The following FHAD1 variants were observed in gnomAD, a reference collection of about 807,000 sequenced individuals.
FHAD1 encodes the protein forkhead associated phosphopeptide binding domain 1.
Under a neutral mutation model 191.3 loss-of-function variants are expected in FHAD1, and 146 were observed. That is an observed-to-expected ratio of 0.76 (90% CI 0.67 to 0.88). FHAD1 has a LOEUF of 0.88. Among genes scored for constraint, FHAD1 ranks in the 40% least tolerant of loss-of-function variants. The pLI is 0.00. For synonymous variants in FHAD1, 616 were observed against 672.3 expected (o/e 0.92, Z 1.29); for missense variants, 1,635 against 1,785.8 (o/e 0.92, Z 1.52).
chr1:15,369,842 G>T (rs1697584996), intron 26 of FHAD1, among the ~76,000 whole-genome samples: 1 of 152,190 alleles, frequency 6.6e-6, no homozygotes, highest in East Asian at 1.9e-4. Context: ...TGACCTTGGG[G>T]AGGTCACTGT....
At chr1:15,387,572 G>A (rs866483973) in intron 31 of FHAD1, among the ~76,000 whole-genome samples, 3 of 151,930 alleles carry the variant, frequency 2.0e-5, no homozygotes, top group African/African-American at 7.3e-5. Context: ...AACATAGCAC[G>A]ACCCCCATCT....
At chr1:15,370,021 C>A (rs550843260) in intron 26 of FHAD1, among the ~76,000 whole-genome samples, 1 of 152,342 alleles carries the variant, frequency 6.6e-6, no homozygotes, top group South Asian at 2.1e-4. Context: ...GTCACCCAGG[C>A]AGGAATGTAG....
At chr1:15,296,261 T>C (rs947427536) in intron 4 of FHAD1, among the ~76,000 whole-genome samples, 2 of 150,838 alleles carry the variant, frequency 1.3e-5, no homozygotes, top group African/African-American at 4.9e-5. Context: ...ATTTTTTTTT[T>C]TTTTTTTTTT....
intron 21 of FHAD1, among the ~76,000 whole-genome samples, 162 bp downstream of exon 21, chr1:15,358,445 A>G (rs1273111194): frequency 1.3e-5 from 2 of 152,312 alleles, no homozygotes; most frequent in Admixed American, 6.5e-5. Context: ...GCATCTTAGG[A>G]TATTTAGCAC....
chr1:15,395,697 T>C (rs763761646), intron 33 of FHAD1, among the ~76,000 whole-genome samples: 1 of 152,180 alleles, frequency 6.6e-6, no homozygotes, highest in Non-Finnish European at 1.5e-5. Context: ...TATACTTCAC[T>C]TTCTCCTTCT....
intron 33 of FHAD1, among the ~76,000 whole-genome samples, chr1:15,396,071 A>T (rs1477001460): frequency 6.6e-6 from 1 of 152,238 alleles, no homozygotes; most frequent in Non-Finnish European, 1.5e-5. Flanking sequence ...GCACTTTGGG[A>T]GGCCAAGGAG....
chr1:15,238,334 C>A (rs1645009814), intron 1 of FHAD1, among the ~76,000 whole-genome samples: 2 of 150,732 alleles, frequency 1.3e-5, no homozygotes, highest in Non-Finnish European at 2.9e-5. Context: ...CTCCAGAAAC[C>A]CAGAGAGGTG....
At chr1:15,389,744 C>T (rs1013404167) in intron 32 of FHAD1, among the ~76,000 whole-genome samples, 4 of 152,006 alleles carry the variant, frequency 2.6e-5, no homozygotes, top group African/African-American at 9.7e-5. Context: ...CTGGGGAATG[C>T]CAAATGGGGT....
intron 1 of FHAD1, among the ~76,000 whole-genome samples, chr1:15,238,290 A>G (rs993183353): frequency 5.0e-4 from 76 of 150,702 alleles, no homozygotes; most frequent in African/African-American, 1.8e-3. Context: ...TGAAATGAGA[A>G]GAGAATGCAG....
intron 31 of FHAD1, chr1:15,383,065 C>T (rs1701283117): frequency 2.1e-6 from 1 of 471,396 alleles, no homozygotes; most frequent in African/African-American, 2.0e-5. Context: ...GTACAGGAGT[C>T]AGCCGGTCCT....
chr1:15,272,346 T>G lies in FHAD1; in HGVS notation c.117T>G (p.His39Gln), dbSNP rs1205898300. The change falls in exon 3 of 34, where the codon CAT (histidine) becomes CAG (glutamine). Residue 39 changes from histidine (H) to glutamine (Q), a missense_variant. Physicochemically the swap from His to Gln is conservative, Grantham distance 24. Coordinates refer to ENST00000688493, the MANE Select transcript of FHAD1 (RefSeq NM_001391957.1). The part of the protein sequence containing the change: ...VLQSPDIDNH[H>Q]ALIEYNEAEC... ...AGTCTCCTGACATCGACAACCACCA[T>G]GCACTCATTGAATATAACGAGGCGG... 6 of 1,551,718 alleles carry G rather than the reference T, an allele frequency of 3.9e-6. No homozygotes were observed. Among genetic ancestry groups the G allele is most frequent in the Non-Finnish European group, 5.2e-6 (6 of 1,146,974 alleles).
At chr1:15,339,618 G>T (rs1685702731) in intron 15 of FHAD1, 67 bp downstream of exon 15, 1 of 700,450 alleles carries the variant, frequency 1.4e-6, no homozygotes, top group Admixed American at 3.3e-5. Flanking sequence ...ATATAGCACT[G>T]TGCATTTGAA....
chr1:15,242,023 A>G (rs1330827762), intron 1 of FHAD1, among the ~76,000 whole-genome samples: 1 of 152,190 alleles, frequency 6.6e-6, no homozygotes, highest in African/African-American at 2.4e-5. Flanking sequence ...TCACGAGGTC[A>G]GGAGATCGAG....
At chr1:15,397,020 T>TAAAAAAAAAAAAAA (rs5772637) in intron 33 of FHAD1, among the ~76,000 whole-genome samples, 2 of 115,954 alleles carry the variant, frequency 1.7e-5, no homozygotes, top group Admixed American at 9.2e-5. Flanking sequence ...CCGTCTCTAC[T>TAAAAAAAAAAAAAA]AAAAAAAAAA....
At chr1:15,260,348 G>T (rs528686550) in intron 2 of FHAD1, among the ~76,000 whole-genome samples, 7 of 152,288 alleles carry the variant, frequency 4.6e-5, no homozygotes, top group Non-Finnish European at 8.8e-5. Flanking sequence ...CCTGGCAGGT[G>T]GTTAATACTA....
chr1:15,355,487 A>G (rs1229755198), intron 20 of FHAD1, among the ~76,000 whole-genome samples: 1 of 152,246 alleles, frequency 6.6e-6, no homozygotes, highest in East Asian at 1.9e-4. Context: ...GGACCGGTGA[A>G]CTTTGTTCTC....
Position 15,375,564 on chromosome 1 carries a change from C to T in FHAD1, c.3578-39C>T, listed in dbSNP as rs1388607147. On this transcript the variant is annotated intron_variant, in intron 27 of 33. Coordinates refer to ENST00000688493, the MANE Select transcript of FHAD1 (RefSeq NM_001391957.1). ...GGTTATTACATGAAACAACTTCTTC[C>T]TGAGCCTTTCTTTTGAGTCTACTTT... The T allele has an allele frequency of 8.1e-6, 12 of 1,488,814 alleles. No homozygotes were observed. The East Asian group carries it at 2.0e-4, about 24-fold the overall frequency. The allele number at this position is 1,488,814 out of a possible 1,614,324, so 92.2% of individuals were successfully genotyped here.
chr1:15,374,420 CA>C, intron 26 of FHAD1, 81 bp from the exon 27 acceptor site: 1 of 1,517,784 alleles, frequency 6.6e-7, no homozygotes. Flanking sequence ...TTCCTCTATA[CA>C]TGAATTGTTC....
chr1:15,401,221 G>T (rs996755162), downstream of FHAD1, among the ~76,000 whole-genome samples: 6 of 152,224 alleles, frequency 3.9e-5, no homozygotes. Context: ...ATGCAAAGCT[G>T]AAGAGTCAGG....
Sources: allele counts gnomAD v4.1 joint callset (sites outside exome capture counted in the v4.1 genomes callset), GRCh38; gene constraint gnomAD v4.1.1; transcripts MANE v1.5; gene names NCBI Gene and HGNC (gene_info 2026-07-23, HGNC 2026-07-21).